Variants in POLR3G observed in about 807,000 individuals in gnomAD.
POLR3G encodes DNA-directed RNA polymerase III subunit RPC7.
Under a neutral mutation model 30.1 loss-of-function variants are expected in POLR3G, and 28 were observed. The ratio of observed to expected loss-of-function variants is 0.93; its 90% CI spans 0.69 to 1.27. The LOEUF is 1.27. Among genes scored for constraint, POLR3G ranks in the 50% most tolerant of loss-of-function variants. The pLI, the probability that POLR3G is intolerant of heterozygous loss-of-function variation, is 0.00. For missense variants in POLR3G, 254 were observed against 264.6 expected (o/e 0.96, Z 0.28); for synonymous variants, 79 against 82.5 (o/e 0.96, Z 0.23).
chr5:90,502,374 A>T, intron 6 of POLR3G: 1 of 914,066 alleles, frequency 1.1e-6, no homozygotes, highest in Non-Finnish European at 1.3e-6. Context: ...TACAGTTTTA[A>T]TGCTTTTTTT....
At chr5:90,508,718 T>G (rs942304000) in intron 7 of POLR3G, among the ~76,000 whole-genome samples, 1 of 152,140 alleles carries the variant, frequency 6.6e-6, no homozygotes, top group South Asian at 2.1e-4. Flanking sequence ...TTAGCCTTTA[T>G]GTCACTTAAC....
chr5:90,503,444 C>T (rs186034783), intron 6 of POLR3G, among the ~76,000 whole-genome samples: 16 of 152,282 alleles, frequency 1.1e-4, no homozygotes, highest in Non-Finnish European at 2.1e-4. Flanking sequence ...CAGTTCTAGC[C>T]AGTTTGTATT....
chr5:90,495,309 G>A (rs1751929739), intron 3 of POLR3G, among the ~76,000 whole-genome samples: 2 of 152,110 alleles, frequency 1.3e-5, no homozygotes, highest in Admixed American at 6.5e-5. Flanking sequence ...TCCAACTTGT[G>A]CTGCTGGAAA....
intron 4 of POLR3G, 116 bp from the exon 5 acceptor site, chr5:90,497,540 A>G (rs932880375): frequency 8.2e-7 from 1 of 1,213,672 alleles, no homozygotes; most frequent in Admixed American, 3.6e-5. Flanking sequence ...AAAGTCAGAT[A>G]CTAAGGCACT....
In POLR3G at chr5:90,502,801, C is replaced by CTTTTTTT. The variant is rs34374200; in HGVS notation, c.438+815_438+816insTTTTTTT. Among the ~76,000 whole-genome samples the CTTTTTTT allele has an allele frequency of 1.1e-4, 16 of 142,270 alleles. 5 individuals carry two copies. The highest frequency in any genetic ancestry group is 1.2e-4 in the Non-Finnish European group (8 of 65,576). 93.3% of individuals were successfully genotyped at this position (142,270 alleles called of 152,430 possible). Reference sequence around the variant, plus strand: ...TAAGTCTGTGTAGAGTTACCTCATCCTTCTTTTTTTTTTTTTGGCTGCACT... The same window carrying CTTTTTTT: ...TAAGTCTGTGTAGAGTTACCTCATCCTTTTTTTTTCTTTTTTTTTTTTTGGCTGCACT... On this transcript the variant is annotated intron_variant, in intron 6 of 7. Transcript: ENST00000651687.
Position 90,485,593 on chromosome 5 carries a change from G to A in POLR3G, c.26G>A (p.Arg9His), listed in dbSNP as rs780251585. Residue 9 changes from arginine (R) to histidine (H), a missense_variant, in exon 2 of 8, where the codon CGT becomes CAT. Arg to His is a conservative substitution (Grantham distance 29, BLOSUM62 0). Coordinates refer to ENST00000651687, the MANE Select transcript of POLR3G (RefSeq NM_006467.3). MAGNKGRG[R>H]AAYTFNIEAV... ...ATGGCTGGGAATAAAGGAAGAGGAC[G>A]TGCTGCTTATACCTTTAATATTGAG... is the stretch of plus-strand genomic sequence containing the variant. 2.2e-5 allele frequency: 35 copies of A among 1,613,722 alleles called. No individual in the cohort carries two copies. The highest frequency in any genetic ancestry group is 2.7e-5 in the Non-Finnish European group (32 of 1,179,844).
In POLR3G at chr5:90,512,263, T is replaced by A; in HGVS notation, c.*124T>A. On this transcript the variant is annotated 3_prime_UTR_variant, in exon 8 of 8. Coordinates refer to ENST00000651687, the MANE Select transcript of POLR3G (RefSeq NM_006467.3). ...TCTGTTGTTTTGGACAAATAGTTGT[T>A]ACCAAAATATTCAAAACCACTTTGA... The A allele has an allele frequency of 1.5e-6, 1 of 650,850 alleles. No homozygotes were observed. Among genetic ancestry groups the A allele is most frequent in the Non-Finnish European group, 2.7e-6 (1 of 373,280 alleles). The allele number at this position is 650,850 out of a possible 1,614,324, so 40.3% of individuals were successfully genotyped here. A position where few individuals can be genotyped will look rare whatever the true frequency, so the allele number is the denominator to read the frequency against.
Position 90,502,315 on chromosome 5 carries a change from A to G in POLR3G, c.438+327A>G, listed in dbSNP as rs2151912449. 3.2e-6 allele frequency: 3 copies of G among 951,750 alleles called. No homozygotes were observed. The South Asian group carries it at 1.5e-4, about 46-fold the overall frequency. 59.0% of individuals were successfully genotyped at this position (951,750 alleles called of 1,614,324 possible). ...GAACAAGTTTTAAAAAGAGTTACAT[A>G]TGTAACTCTTTTAAAAACCTCTCAT... On this transcript the variant is annotated intron_variant, in intron 6 of 7. Coordinates refer to ENST00000651687, the MANE Select transcript of POLR3G (RefSeq NM_006467.3).
Position 90,487,191 on chromosome 5 carries a change from A to G in POLR3G, c.118-809A>G, listed in dbSNP as rs190176253. On this transcript the variant is annotated intron_variant, in intron 2 of 7. Coordinates refer to ENST00000651687, the MANE Select transcript of POLR3G (RefSeq NM_006467.3). ...AGGATAAATATTGGTAGCCCTTTCA[A>G]TGAGATACTGGATGTTGGATATTGA... Among the ~76,000 whole-genome samples, 172 of 152,228 alleles carry G rather than the reference A, an allele frequency of 1.1e-3. 1 individual carries two copies. The highest frequency in any genetic ancestry group is 4.0e-3 in the African/African-American group (167 of 41,524).
chr5:90,477,181 T>C (rs1168606301), intron 1 of POLR3G, among the ~76,000 whole-genome samples: 1 of 151,902 alleles, frequency 6.6e-6, no homozygotes, highest in Non-Finnish European at 1.5e-5. Context: ...GTGGAAGAAA[T>C]TGTCATGGAG....
chr5:90,487,553 G>A (rs1483962278), intron 2 of POLR3G, among the ~76,000 whole-genome samples: 6 of 151,364 alleles, frequency 4.0e-5, no homozygotes, highest in Non-Finnish European at 8.8e-5. Context: ...CACCATGCCC[G>A]GCTAATTTTT....
intron 1 of POLR3G, among the ~76,000 whole-genome samples, chr5:90,483,383 T>C (rs932194113): frequency 2.0e-5 from 3 of 152,180 alleles, no homozygotes; most frequent in Non-Finnish European, 4.4e-5. Context: ...TCAAATCAAA[T>C]GCCGTGCATT....
intron 5 of POLR3G, among the ~76,000 whole-genome samples, chr5:90,499,056 T>C (rs1385808673): frequency 1.3e-5 from 2 of 152,192 alleles, no homozygotes; most frequent in Non-Finnish European, 2.9e-5. Context: ...TTCAAAGATG[T>C]TACTTATGGT....
At chr5:90,475,991 G>C (rs559595051) in intron 1 of POLR3G, among the ~76,000 whole-genome samples, 1 of 152,148 alleles carries the variant, frequency 6.6e-6, no homozygotes, top group African/African-American at 2.4e-5. Flanking sequence ...GATTACAGGC[G>C]TGAGCCACTA....
At chr5:90,476,033 G>A (rs1171153007) in intron 1 of POLR3G, among the ~76,000 whole-genome samples, 2 of 152,196 alleles carry the variant, frequency 1.3e-5, no homozygotes, top group East Asian at 1.9e-4. Context: ...TTAGGCTTCA[G>A]AAATTCCCTT....
intron 1 of POLR3G, among the ~76,000 whole-genome samples, chr5:90,480,344 C>T (rs1751064156): frequency 6.6e-6 from 1 of 152,164 alleles, no homozygotes; most frequent in Admixed American, 6.5e-5. Context: ...ATCAGCTCCT[C>T]TGTGTACAGG....
intron 1 of POLR3G, among the ~76,000 whole-genome samples, chr5:90,477,206 A>C (rs543010314): frequency 6.6e-6 from 1 of 152,204 alleles, no homozygotes; most frequent in Non-Finnish European, 1.5e-5. Context: ...TGTCATTTGC[A>C]TGGCATCTGA....
chr5:90,473,954 G>C, upstream of POLR3G: 1 of 1,601,846 alleles, frequency 6.2e-7, no homozygotes, highest in Non-Finnish European at 8.5e-7. Context: ...CGGTCTCAAA[G>C]TTGTCCCCGC....
intron 1 of POLR3G, among the ~76,000 whole-genome samples, chr5:90,483,012 C>T (rs1232071913): frequency 3.3e-5 from 5 of 151,896 alleles, no homozygotes; most frequent in Admixed American, 6.6e-5. Context: ...TGGTGGCGCA[C>T]GCCTGTAATC....
Sources: gnomAD v4.1 joint callset for allele counts (sites outside exome capture counted in the v4.1 genomes callset) on GRCh38, gnomAD v4.1.1 for gene constraint, MANE v1.5 for transcripts, NCBI Gene and HGNC (gene_info 2026-07-23, HGNC 2026-07-21) for gene names.